The following SLC24A4 variants were observed in gnomAD, a reference collection of about 807,000 sequenced individuals.
SLC24A4 encodes sodium/potassium/calcium exchanger 4.
In SLC24A4, 53 loss-of-function variants were observed where a neutral mutation model predicts 79.0. That is an observed-to-expected ratio of 0.67 (90% confidence interval 0.54 to 0.84). The LOEUF (loss-of-function observed/expected upper bound fraction) is 0.84. Ranked by LOEUF, SLC24A4 falls within the 40% of genes least tolerant of loss-of-function variation. The pLI, the probability that SLC24A4 is intolerant of heterozygous loss-of-function variation, is 0.00. For synonymous variants in SLC24A4, 323 were observed against 323.8 expected (o/e 1.00, Z 0.03); for missense variants, 731 against 822.0 (o/e 0.89, Z 1.35).
intron 12 of SLC24A4, among the ~76,000 whole-genome samples, chr14:92,469,079 T>C (rs750887833): frequency 1.3e-5 from 2 of 152,012 alleles, no homozygotes; most frequent in Non-Finnish European, 2.9e-5. Flanking sequence ...GAAATGCAAA[T>C]CTAAATGAGA....
At chr14:92,342,976 C>T (rs866617355) in intron 2 of SLC24A4, among the ~76,000 whole-genome samples, 103 of 152,326 alleles carry the variant, frequency 6.8e-4, no homozygotes, top group African/African-American at 2.4e-3. Context: ...GCGAATGGGC[C>T]TCTGGCCTGT....
chr14:92,431,647 CATA>C (rs756442403), intron 2 of SLC24A4, among the ~76,000 whole-genome samples: 6 of 152,210 alleles, frequency 3.9e-5, no homozygotes, highest in Non-Finnish European at 7.3e-5. Context: ...GCATGCCGCA[CATA>C]ATAAGGATGA....
intron 8 of SLC24A4, among the ~76,000 whole-genome samples, chr14:92,445,701 T>C (rs1422613151): frequency 1.3e-5 from 2 of 152,184 alleles, no homozygotes; most frequent in Non-Finnish European, 2.9e-5. Flanking sequence ...GGCAGTGAGT[T>C]AGGAATAGAG....
chr14:92,470,683 C>G (rs4904926), intron 12 of SLC24A4, among the ~76,000 whole-genome samples: 1 of 151,766 alleles, frequency 6.6e-6, no homozygotes, highest in Non-Finnish European at 1.5e-5. Context: ...TTGCACCCAA[C>G]GAGATGGAAG....
At chr14:92,335,994 G>C (rs1885774660) in intron 2 of SLC24A4, among the ~76,000 whole-genome samples, 1 of 152,150 alleles carries the variant, frequency 6.6e-6, no homozygotes, top group Non-Finnish European at 1.5e-5. Flanking sequence ...TTTGCAATCG[G>C]AAGTTTTTTT....
chr14:92,361,134 G>A (rs1887487405), intron 2 of SLC24A4, among the ~76,000 whole-genome samples: 1 of 152,082 alleles, frequency 6.6e-6, no homozygotes, highest in African/African-American at 2.4e-5. Context: ...TGGTTGTGGA[G>A]CATTGCAGAA....
At chr14:92,362,492 C>G (rs1887591577) in intron 2 of SLC24A4, among the ~76,000 whole-genome samples, 1 of 152,180 alleles carries the variant, frequency 6.6e-6, no homozygotes, top group Admixed American at 6.5e-5. Flanking sequence ...GTGGGTTGAA[C>G]TGAACCCTGA....
At chr14:92,384,085 GT>G (rs1889008641) in intron 2 of SLC24A4, among the ~76,000 whole-genome samples, 1 of 152,194 alleles carries the variant, frequency 6.6e-6, no homozygotes, top group African/African-American at 2.4e-5. Flanking sequence ...CTTGGGCATT[GT>G]GAATATTTCT....
At chr14:92,461,060 C>T (rs1893775193) in intron 12 of SLC24A4, among the ~76,000 whole-genome samples, 1 of 152,198 alleles carries the variant, frequency 6.6e-6, no homozygotes, top group East Asian at 1.9e-4. Context: ...CTGGCACCGC[C>T]CTGAAACGGT....
In SLC24A4 at chr14:92,484,398, GC is replaced by G. The variant is rs1895244451; in HGVS notation, c.1422+1557del. 3 of 985,288 alleles carry G rather than the reference GC, an allele frequency of 3.0e-6. No individual in the cohort carries two copies. In the South Asian group the frequency reaches 1.4e-4, roughly 46 times the overall value. The allele number at this position is 985,288 out of a possible 1,614,324, so 61.0% of individuals were successfully genotyped here. On this transcript the variant is annotated intron_variant, in intron 13 of 16. Coordinates refer to ENST00000532405, the MANE Select transcript of SLC24A4 (RefSeq NM_153646.4). ...AAGACACCAGCTGGTGGAAGGTGCT[GC>G]CCCCAGCCTGTTCCCTTTCTCCCTT...
chr14:92,433,635 T>C (rs1891998165), intron 2 of SLC24A4, among the ~76,000 whole-genome samples: 1 of 152,204 alleles, frequency 6.6e-6, no homozygotes, highest in Admixed American at 6.5e-5. Flanking sequence ...GCCATCCTAT[T>C]ATGTGGGAAG....
At position 92,449,144 on chromosome 14, in the gene SLC24A4, A is replaced by G; in HGVS notation, c.808A>G (p.Ser270Gly). 2 of 1,614,204 alleles carry G rather than the reference A, an allele frequency of 1.2e-6. No homozygotes were observed. The highest frequency in any genetic ancestry group is 1.7e-6 in the Non-Finnish European group (2 of 1,180,036). The part of the protein sequence containing the change: ...KSIANGNPVN[S>G]ELEAGNDFYD... ...CATTGCAAACGGTAACCCGGTCAAC[A>G]GTGAGCTGGAGGCTGGTAATGATTT... Residue 270 changes from serine (S) to glycine (G), a missense_variant, in exon 10 of 17, where the codon AGT becomes GGT. By Grantham distance (56) the Ser-to-Gly change is moderately conservative (BLOSUM62 0). Transcript: ENST00000532405.
intron 11 of SLC24A4, 36 bp downstream of exon 11, chr14:92,454,105 C>A (rs1893319119): frequency 6.3e-7 from 1 of 1,596,252 alleles, no homozygotes; most frequent in African/African-American, 1.3e-5. Context: ...AGTGAGCAGC[C>A]TTGGATGCAG....
intron 14 of SLC24A4, among the ~76,000 whole-genome samples, chr14:92,487,189 G>T (rs112829599): frequency 6.6e-6 from 1 of 152,200 alleles, no homozygotes; most frequent in African/African-American, 2.4e-5. Context: ...CCTCTAGAAC[G>T]TGTATAATGT....
At chr14:92,341,160 G>A (rs568882886) in intron 2 of SLC24A4, among the ~76,000 whole-genome samples, 1 of 152,320 alleles carries the variant, frequency 6.6e-6, no homozygotes, top group South Asian at 2.1e-4. Flanking sequence ...GGTGGCCTTT[G>A]TGTCTTGCTT....
Position 92,453,938 on chromosome 14 carries a change from A to T in SLC24A4, c.919A>T (p.Met307Leu). The stretch of plus-strand genomic sequence containing the variant: ...ACAGTATGGCAAGAACCCCGTGGTG[A>T]TGGTGGACGAGATTATGAGCTCCAG... ...KPQYGKNPVV[M>L]VDEIMSSSPP... Residue 307 changes from methionine to leucine, a missense_variant, in exon 11 of 17, where the codon ATG becomes TTG. Coordinates refer to ENST00000532405, the MANE Select transcript of SLC24A4 (RefSeq NM_153646.4). The T allele has an allele frequency of 2.5e-6, 4 of 1,613,370 alleles. No homozygotes were observed. The highest frequency in any genetic ancestry group is 3.3e-4 in the Middle Eastern group (2 of 6,058).
At chr14:92,360,383 G>A (rs112513730) in intron 2 of SLC24A4, among the ~76,000 whole-genome samples, 4,669 of 152,302 alleles carry the variant, frequency 0.031, 218 homozygotes, top group African/African-American at 0.11. Context: ...TTACAGGCAT[G>A]TGCCACTGTG....
At chr14:92,332,188 A>G (rs1885518603) in intron 2 of SLC24A4, among the ~76,000 whole-genome samples, 1 of 152,194 alleles carries the variant, frequency 6.6e-6, no homozygotes, top group African/African-American at 2.4e-5. Context: ...AGGCTGAGGC[A>G]GGTGAATTAC....
intron 2 of SLC24A4, among the ~76,000 whole-genome samples, chr14:92,412,168 A>T (rs1014624099): frequency 6.6e-6 from 1 of 152,170 alleles, no homozygotes. Flanking sequence ...CACGTGTTCA[A>T]AAAGGTCTAG....
Sources: gnomAD v4.1 joint callset for allele counts (sites outside exome capture counted in the v4.1 genomes callset) on GRCh38, gnomAD v4.1.1 for gene constraint, MANE v1.5 for transcripts, NCBI Gene and HGNC (gene_info 2026-07-23, HGNC 2026-07-21) for gene names.